The following CCDC138 variants were observed in gnomAD, a reference collection of about 807,000 sequenced individuals.
CCDC138 encodes the protein coiled-coil domain-containing protein 138.
Under a neutral mutation model 82.3 loss-of-function variants are expected in CCDC138, and 66 were observed. That is an observed-to-expected ratio of 0.80 (90% CI 0.66 to 0.98). The LOEUF is 0.98. Among genes scored for constraint, CCDC138 ranks in the 50% least tolerant of loss-of-function variants. The pLI, the probability that CCDC138 is intolerant of heterozygous loss-of-function variation, is 0.00. For synonymous variants in CCDC138, 297 were observed against 265.4 expected (o/e 1.12, Z -1.16); for missense variants, 816 against 758.9 (o/e 1.08, Z -0.88).
chr2:108,824,403 A>G (rs1686221561), intron 10 of CCDC138, among the ~76,000 whole-genome samples: 1 of 152,206 alleles, frequency 6.6e-6, no homozygotes, highest in South Asian at 2.1e-4. Flanking sequence ...AAAAACTAAG[A>G]CACAAACGCA....
At position 108,794,608 on chromosome 2, in the gene CCDC138, CCTT is replaced by C. The variant is rs1254538072; in HGVS notation, c.464_466del (p.Pro155del). On this transcript the variant is annotated inframe_deletion, in exon 5 of 15. Transcript: ENST00000295124. ...GTGTTGTAGTGATGCAGGTGACTCT[CCTT>C]TGAAACCTGTCAGCTGTCCAAAATC... The C allele has an allele frequency of 6.2e-7, 1 of 1,613,952 alleles. No individual in the cohort carries two copies. The highest frequency in any genetic ancestry group is 8.5e-7 in the Non-Finnish European group (1 of 1,179,980).
chr2:108,800,220 T>C (rs188493104), intron 6 of CCDC138, among the ~76,000 whole-genome samples: 4 of 152,312 alleles, frequency 2.6e-5, no homozygotes, highest in African/African-American at 4.8e-5. Context: ...GAGAATATTA[T>C]TGATTTTAAA....
chr2:108,839,463 A>G (rs1043184720), intron 11 of CCDC138, among the ~76,000 whole-genome samples, 162 bp downstream of exon 11: 3 of 152,172 alleles, frequency 2.0e-5, no homozygotes, highest in African/African-American at 7.2e-5. Flanking sequence ...TTAAACCTGT[A>G]TATTAATTTG....
intron 13 of CCDC138, among the ~76,000 whole-genome samples, chr2:108,867,018 A>G (rs576625046): frequency 6.6e-6 from 1 of 152,268 alleles, no homozygotes; most frequent in African/African-American, 2.4e-5. Flanking sequence ...GTTTATGGTT[A>G]TTTTTAGGTT....
chr2:108,810,768 A>G (rs979070232), intron 7 of CCDC138, among the ~76,000 whole-genome samples: 3 of 152,214 alleles, frequency 2.0e-5, no homozygotes, highest in African/African-American at 7.2e-5. Flanking sequence ...CAGTGAAGTC[A>G]TTGAGTGAAT....
chr2:108,798,265 A>G (rs1283831315), intron 5 of CCDC138, 163 bp from the exon 6 acceptor site: 4 of 192,486 alleles, frequency 2.1e-5, no homozygotes, highest in Non-Finnish European at 3.8e-5. Flanking sequence ...TTTCTGTGCA[A>G]GTTTACTTGC....
At chr2:108,854,523 A>G (rs1692290265) in intron 12 of CCDC138, among the ~76,000 whole-genome samples, 4 of 152,162 alleles carry the variant, frequency 2.6e-5, no homozygotes, top group African/African-American at 9.7e-5. Flanking sequence ...TTATTATAAA[A>G]CTTTAAGAGT....
intron 2 of CCDC138, chr2:108,885,041 ACTGAGAGATG>A (rs1696390454): frequency 2.0e-5 from 3 of 152,230 alleles, no homozygotes; most frequent in Admixed American, 6.5e-5. Context: ...GAGAATTAAT[ACTGAGAGATG>A]CTAAAGGAGA....
At position 108,826,296 on chromosome 2, in the gene CCDC138, A is replaced by G. The variant is rs369584572; in HGVS notation, c.1206+10191A>G. 1.4e-3 allele frequency among the ~76,000 whole-genome samples: 209 copies of G among 152,208 alleles called. 3 individuals are homozygous for G. In the South Asian group the frequency reaches 0.023, roughly 17 times the overall value. Reference sequence around the variant, plus strand: ...AATTTATGCTTTTTTCTTTGCTTGTATGTTTTGCATCATGTTTAAGAAAAC... The same window carrying G: ...AATTTATGCTTTTTTCTTTGCTTGTGTGTTTTGCATCATGTTTAAGAAAAC... On this transcript the variant is annotated intron_variant, in intron 10 of 14. Transcript: ENST00000295124.
chr2:108,826,044 G>A (rs1232607781), intron 10 of CCDC138, among the ~76,000 whole-genome samples: 4 of 152,066 alleles, frequency 2.6e-5, no homozygotes, highest in Non-Finnish European at 5.9e-5. Flanking sequence ...TTGGCCGTTT[G>A]GATATCTTTT....
chr2:108,857,267 C>T (rs1451424296), intron 13 of CCDC138, among the ~76,000 whole-genome samples: 3 of 151,728 alleles, frequency 2.0e-5, no homozygotes, highest in East Asian at 1.9e-4. Flanking sequence ...TTGGTAGAGA[C>T]GGGGTTTCAC....
intron 13 of CCDC138, among the ~76,000 whole-genome samples, chr2:108,872,874 T>C (rs550201835): frequency 6.6e-6 from 1 of 152,336 alleles, no homozygotes; most frequent in South Asian, 2.1e-4. Flanking sequence ...TTCATCTAAA[T>C]AGCCCCACAA....
intron 11 of CCDC138, 67 bp downstream of exon 11, chr2:108,839,368 C>A (rs1689086621): frequency 3.8e-6 from 5 of 1,305,868 alleles, no homozygotes; most frequent in Admixed American, 2.0e-5. Flanking sequence ...GATCTTGTTT[C>A]ACAATATCTG....
intron 13 of CCDC138, 45 bp downstream of exon 13, chr2:108,857,015 T>G: frequency 8.5e-7 from 1 of 1,176,416 alleles, no homozygotes. Flanking sequence ...AGGATGATTT[T>G]TCTGTCTTTA....
At chr2:108,858,870 A>G (rs1365762995) in intron 13 of CCDC138, among the ~76,000 whole-genome samples, 4 of 152,050 alleles carry the variant, frequency 2.6e-5, no homozygotes, top group Admixed American at 6.6e-5. Flanking sequence ...TTATGGTTGT[A>G]TAGTATTCCA....
At chr2:108,792,306 T>G (rs976561805) in intron 4 of CCDC138, among the ~76,000 whole-genome samples, 5 of 152,330 alleles carry the variant, frequency 3.3e-5, no homozygotes, top group Admixed American at 6.5e-5. Context: ...CATTTTCCTC[T>G]TTTCCCTCTC....
At chr2:108,867,712 T>G (rs570435446) in intron 13 of CCDC138, among the ~76,000 whole-genome samples, 136 of 152,350 alleles carry the variant, frequency 8.9e-4, no homozygotes, top group Non-Finnish European at 1.8e-3. Flanking sequence ...TATTGCTTTT[T>G]TTTGTTTGTT....
chr2:108,867,745 T>C (rs1324612686), intron 13 of CCDC138, among the ~76,000 whole-genome samples: 1 of 152,244 alleles, frequency 6.6e-6, no homozygotes, highest in Non-Finnish European at 1.5e-5. Context: ...TTTAGCCTTA[T>C]CCAGTTTGAG....
At chr2:108,806,206 G>A (rs2149706004) in intron 7 of CCDC138, among the ~76,000 whole-genome samples, 1 of 152,214 alleles carries the variant, frequency 6.6e-6, no homozygotes, top group Non-Finnish European at 1.5e-5. Context: ...TGTCTGTTTG[G>A]AATCCCACTT....
Sources: gnomAD v4.1 joint callset for allele counts (sites outside exome capture counted in the v4.1 genomes callset) on GRCh38, gnomAD v4.1.1 for gene constraint, MANE v1.5 for transcripts, NCBI Gene and HGNC (gene_info 2026-07-23, HGNC 2026-07-21) for gene names.